Variants in CORO2B observed in about 807,000 individuals in gnomAD.
CORO2B encodes the protein coronin 2B, also known as coronin-2B.
In CORO2B, 26 loss-of-function variants were observed where a neutral mutation model predicts 58.8. The observed-to-expected ratio is 0.44, with a 90% CI of 0.32 to 0.61. The LOEUF is 0.61. Among genes scored for constraint, CORO2B ranks in the 20% least tolerant of loss-of-function variants. CORO2B has a pLI of 0.04. For synonymous variants in CORO2B, 242 were observed against 253.8 expected (o/e 0.95, Z 0.44); for missense variants, 460 against 645.1 (o/e 0.71, Z 3.11).
intron 1 of CORO2B, among the ~76,000 whole-genome samples, chr15:68,583,911 C>T (rs1227141604): frequency 6.6e-6 from 1 of 152,194 alleles, no homozygotes; most frequent in Non-Finnish European, 1.5e-5. Context: ...GCCTGCTCTG[C>T]CCACACACCC....
chr15:68,634,477 T>C (rs1900965296), intron 1 of CORO2B, among the ~76,000 whole-genome samples: 1 of 152,074 alleles, frequency 6.6e-6, no homozygotes, highest in Non-Finnish European at 1.5e-5. Flanking sequence ...CTAGGAAAAA[T>C]ATGAATTATA....
the CORO2B span, among the ~76,000 whole-genome samples, chr15:68,534,659 C>T: frequency 6.6e-6 from 1 of 152,168 alleles, no homozygotes; most frequent in East Asian, 1.9e-4. Flanking sequence ...ATTCATTCTT[C>T]CTACATGTTC....
At position 68,645,444 on chromosome 15, in the gene CORO2B, A is replaced by T; in HGVS notation, c.216+84A>T. ...GGTCTCTCTTAGGCCTGTTGACCCT[A>T]CTTCTCTCTGAGTTCCCACCTTTTA... On this transcript the variant is annotated intron_variant, in intron 2 of 11. Transcript: ENST00000261861. This position sits in a 1 kb window ranked among gnomAD's most constrained non-coding sequence, Gnocchi z 4.5. 2 of 1,327,456 alleles carry T rather than the reference A, an allele frequency of 1.5e-6. No individual in the cohort carries two copies. The allele number at this position is 1,327,456 out of a possible 1,614,324, so 82.2% of individuals were successfully genotyped here.
At chr15:68,657,799 G>A (rs1475478601) in intron 2 of CORO2B, among the ~76,000 whole-genome samples, 2 of 152,204 alleles carry the variant, frequency 1.3e-5, no homozygotes, top group East Asian at 3.8e-4. Context: ...TGAGGTTTCA[G>A]TTAGAGGCTA....
At chr15:68,649,322 T>G (rs1271745441) in intron 2 of CORO2B, among the ~76,000 whole-genome samples, 4 of 152,244 alleles carry the variant, frequency 2.6e-5, no homozygotes, top group African/African-American at 9.6e-5. Flanking sequence ...CCACTCACAC[T>G]ACCAATTGAT....
chr15:68,552,674 C>A, the CORO2B span, among the ~76,000 whole-genome samples: 2 of 152,154 alleles, frequency 1.3e-5, no homozygotes, highest in Non-Finnish European at 2.9e-5. Context: ...GTGATGAAGA[C>A]CTTTCCTCCC....
In CORO2B at chr15:68,688,485, A is replaced by G. The variant is rs73425197; in HGVS notation, c.217-6655A>G. ...TGGATTTTCAGATCTGGGATGCTCA[A>G]CCAGTAAGTAAAATGCAAATATTTC... On this transcript the variant is annotated intron_variant, in intron 2 of 11. Transcript: ENST00000261861. Among the ~76,000 whole-genome samples the G allele has an allele frequency of 9.0e-3, 1,370 of 152,202 alleles. 19 individuals are homozygous for G. The highest frequency in any genetic ancestry group is 0.032 in the African/African-American group (1,319 of 41,506).
chr15:68,719,247 G>A lies in CORO2B; in HGVS notation c.1171+13G>A. On this transcript the variant is annotated intron_variant, in intron 10 of 11. Coordinates refer to ENST00000261861, the MANE Select transcript of CORO2B (RefSeq NM_006091.5). ...GGCATCAACCGAGGTACCACAGCGG[G>A]GGGCTCCACAGAGCACAGGCGGCTG... 6.2e-7 allele frequency: 1 copy of A among 1,613,044 alleles called. No individual in the cohort carries two copies. Among genetic ancestry groups the A allele is most frequent in the Non-Finnish European group, 8.5e-7 (1 of 1,179,226 alleles).
At position 68,718,740 on chromosome 15, in the gene CORO2B, T is replaced by A; in HGVS notation, c.1010T>A (p.Val337Glu). 1.9e-6 allele frequency: 3 copies of A among 1,614,080 alleles called. No individual in the cohort carries two copies. Among genetic ancestry groups the A allele is most frequent in the Non-Finnish European group, 1.7e-6 (2 of 1,180,010 alleles). Reference sequence around the variant, plus strand: ...GGGCTGGATGTGTCAGCCTGCGAGGTGTTCCGCTTCTACAAGCTGGTGACT... The same window carrying A: ...GGGCTGGATGTGTCAGCCTGCGAGGAGTTCCGCTTCTACAAGCTGGTGACT... ...KHGLDVSACE[V>E]FRFYKLVTLK... Residue 337 changes from valine to glutamate, a missense_variant, in exon 9 of 12, where the codon GTG becomes GAG. Transcript: ENST00000261861.
At chr15:68,621,155 A>ATAAGCAATG (rs1193353467) in intron 1 of CORO2B, among the ~76,000 whole-genome samples, 7 of 152,202 alleles carry the variant, frequency 4.6e-5, no homozygotes, top group African/African-American at 1.7e-4. Context: ...CCTCAAGGCC[A>ATAAGCAATG]TAAGCAATGT....
the CORO2B span, among the ~76,000 whole-genome samples, chr15:68,551,079 A>T: frequency 3.3e-5 from 5 of 152,116 alleles, no homozygotes; most frequent in Admixed American, 6.5e-5. Context: ...TCTGGGGGGA[A>T]GAGGGCCCAG....
At chr15:68,573,000 C>T in the CORO2B span, among the ~76,000 whole-genome samples, 1 of 152,136 alleles carries the variant, frequency 6.6e-6, no homozygotes, top group African/African-American at 2.4e-5. Flanking sequence ...CAGTCCTACA[C>T]ACTCATTCTC....
intron 7 of CORO2B, 94 bp from the exon 8 acceptor site, chr15:68,715,121 A>G: frequency 9.0e-7 from 1 of 1,110,208 alleles, no homozygotes; most frequent in Non-Finnish European, 1.4e-6. Flanking sequence ...CATGAGGCAC[A>G]GGGGAGAGCT....
At chr15:68,615,319 T>C (rs1181177225) in intron 1 of CORO2B, among the ~76,000 whole-genome samples, 1 of 152,202 alleles carries the variant, frequency 6.6e-6, no homozygotes, top group East Asian at 1.9e-4. Flanking sequence ...ATCAGTCATT[T>C]TCCCTGGACC....
chr15:68,665,690 C>A (rs768942910), intron 2 of CORO2B, among the ~76,000 whole-genome samples: 1 of 151,930 alleles, frequency 6.6e-6, no homozygotes, highest in Non-Finnish European at 1.5e-5. Context: ...CACGTATTTA[C>A]CTTTTTTATT....
At chr15:68,548,179 A>G in the CORO2B span, among the ~76,000 whole-genome samples, 1 of 72,354 alleles carries the variant, frequency 1.4e-5, no homozygotes, top group Non-Finnish European at 2.8e-5. Flanking sequence ...TTAAAAATAT[A>G]TATATATATA....
intron 1 of CORO2B, among the ~76,000 whole-genome samples, chr15:68,592,644 T>G (rs1386936106): frequency 6.6e-6 from 1 of 152,250 alleles, no homozygotes; most frequent in Non-Finnish European, 1.5e-5. Flanking sequence ...TCTCTGCATC[T>G]ATTCATATAT....
intron 4 of CORO2B, 79 bp from the exon 5 acceptor site, chr15:68,711,463 A>C: frequency 7.6e-7 from 1 of 1,320,434 alleles, no homozygotes; most frequent in Non-Finnish European, 1.0e-6. Context: ...CTCCCAGGGC[A>C]GTCAAGTGTG....
chr15:68,727,207 A>G lies in CORO2B; in HGVS notation c.*1233A>G, dbSNP rs757600885. 6 of 152,646 alleles carry G rather than the reference A, an allele frequency of 3.9e-5. No individual in the cohort carries two copies. The highest frequency in any genetic ancestry group is 7.3e-5 in the Non-Finnish European group (5 of 68,064). 9.5% of individuals were successfully genotyped at this position (152,646 alleles called of 1,614,324 possible). On this transcript the variant is annotated 3_prime_UTR_variant, in exon 12 of 12. Transcript: ENST00000261861. ...GCCACTCGCATCCGTATAGCACTTT[A>G]AAGTTTCTGCAGTCCTTTGACACAT...
Sources: gnomAD v4.1 joint callset for allele counts (sites outside exome capture counted in the v4.1 genomes callset) on GRCh38, gnomAD v4.1.1 for gene constraint, Gnocchi (gnomAD v3.1) non-coding constraint, MANE v1.5 for transcripts, NCBI Gene and HGNC (gene_info 2026-07-23, HGNC 2026-07-21) for gene names.